The following PLXDC1 variants were observed in gnomAD, a reference collection of about 807,000 sequenced individuals.
The protein encoded by PLXDC1 is plexin domain containing 1, also known as plexin domain-containing protein 1.
A neutral mutation model predicts 61.3 loss-of-function variants in PLXDC1; 39 were observed. The observed-to-expected ratio is 0.64, with a 90% CI of 0.49 to 0.83. The LOEUF (loss-of-function observed/expected upper bound fraction) is 0.83, where lower values mean the gene tolerates loss of function less well. Among genes scored for constraint, PLXDC1 ranks in the 40% least tolerant of loss-of-function variants. The pLI, the probability that PLXDC1 is intolerant of heterozygous loss-of-function variation, is 0.00. For missense variants in PLXDC1, 596 were observed against 666.5 expected (o/e 0.89, Z 1.17); for synonymous variants, 212 against 254.5 (o/e 0.83, Z 1.59).
At chr17:39,120,623 G>A (rs916152043) in intron 2 of PLXDC1, among the ~76,000 whole-genome samples, 1 of 40,650 alleles carries the variant, frequency 2.5e-5, no homozygotes, top group Non-Finnish European at 5.2e-5. Flanking sequence ...TTTTTTTTTT[G>A]AGACAGGGTC....
At chr17:39,132,756 T>G (rs1911606586) in intron 2 of PLXDC1, among the ~76,000 whole-genome samples, 1 of 148,978 alleles carries the variant, frequency 6.7e-6, no homozygotes, top group African/African-American at 2.5e-5. Context: ...AGAGGGGAGG[T>G]CCGCAGCCAG....
At chr17:39,110,401 C>T (rs1351328511) in intron 2 of PLXDC1, among the ~76,000 whole-genome samples, 1 of 152,186 alleles carries the variant, frequency 6.6e-6, no homozygotes, top group Non-Finnish European at 1.5e-5. Flanking sequence ...ATGCTATGGG[C>T]TGGGGGTTCA....
intron 13 of PLXDC1, 53 bp downstream of exon 13, chr17:39,069,803 G>A (rs1178213984): frequency 6.8e-7 from 1 of 1,466,168 alleles, no homozygotes; most frequent in Non-Finnish European, 9.5e-7. Flanking sequence ...AATGGCCCAG[G>A]AGACGCCGAC....
intron 10 of PLXDC1, among the ~76,000 whole-genome samples, chr17:39,078,779 GCA>G (rs1427482023): frequency 6.6e-6 from 1 of 152,220 alleles, no homozygotes; most frequent in African/African-American, 2.4e-5. Flanking sequence ...GTCAGCAGGT[GCA>G]CAGTCTCCCA....
intron 2 of PLXDC1, among the ~76,000 whole-genome samples, chr17:39,132,313 G>A (rs1482772404): frequency 2.6e-5 from 4 of 151,760 alleles, no homozygotes; most frequent in African/African-American, 9.7e-5. Flanking sequence ...CACATCCCAG[G>A]ATCTCTGACT....
rs1908931277 is a variant in PLXDC1, at chr17:39,067,292, A to G, written c.*548T>C. 2 of 152,432 alleles carry G rather than the reference A, an allele frequency of 1.3e-5. No homozygotes were observed. Among genetic ancestry groups the G allele is most frequent in the African/African-American group, 4.8e-5 (2 of 41,460 alleles). The allele number at this position is 152,432 out of a possible 1,614,324, so 9.4% of individuals were successfully genotyped here. On this transcript the variant is annotated 3_prime_UTR_variant, in exon 14 of 14. Transcript: ENST00000315392. The stretch of plus-strand genomic sequence containing the variant: ...TGACAACCGCAGACATCTGGACACC[A>G]GCAAGGGTCCAGGGGAGGTTTGCAG...
At chr17:39,138,882 GCA>G (rs1279924495) in intron 2 of PLXDC1, among the ~76,000 whole-genome samples, 1 of 151,882 alleles carries the variant, frequency 6.6e-6, no homozygotes, top group Non-Finnish European at 1.5e-5. Flanking sequence ...ACAGCCACAG[GCA>G]CACTCACACT....
At position 39,151,605 on chromosome 17, in the gene PLXDC1, C is replaced by T. The variant is rs2045373334; in HGVS notation, c.-168G>A. 8.9e-7 allele frequency: 1 copy of T among 1,119,056 alleles called. No individual in the cohort carries two copies. Among genetic ancestry groups the T allele is most frequent in the East Asian group, 4.5e-5 (1 of 22,072 alleles). 69.3% of individuals were successfully genotyped at this position (1,119,056 alleles called of 1,614,324 possible). ...CGAGCCGGCAGGAGCGGCGAGAGCGCGAGCGGAGCTGGAGGCTGCGGCCTC... is the reference window on the plus strand; with the variant it reads ...CGAGCCGGCAGGAGCGGCGAGAGCGTGAGCGGAGCTGGAGGCTGCGGCCTC... On this transcript the variant is annotated 5_prime_UTR_variant, in exon 1 of 14. Coordinates refer to ENST00000315392, the MANE Select transcript of PLXDC1 (RefSeq NM_020405.5). The surrounding 1 kb of genome is among the most constrained non-coding windows in gnomAD (Gnocchi z 5.2).
At chr17:39,099,975 A>G (rs1910364106) in intron 7 of PLXDC1, among the ~76,000 whole-genome samples, 1 of 152,152 alleles carries the variant, frequency 6.6e-6, no homozygotes, top group Non-Finnish European at 1.5e-5. Context: ...AGGATGTTAC[A>G]TCTAAAATTA....
At chr17:39,149,267 G>A (rs566841486) in intron 1 of PLXDC1, among the ~76,000 whole-genome samples, 1 of 152,138 alleles carries the variant, frequency 6.6e-6, no homozygotes, top group South Asian at 2.1e-4. Context: ...CAGAGCCTTG[G>A]GGAAGGATGC....
intron 7 of PLXDC1, among the ~76,000 whole-genome samples, chr17:39,097,955 G>A (rs1000591981): frequency 3.4e-5 from 5 of 148,368 alleles, no homozygotes; most frequent in African/African-American, 9.9e-5. Context: ...CTGTAATCCC[G>A]GCACTTTGGG....
chr17:39,128,176 T>TATGTATATATGTAC (rs1911410367), intron 2 of PLXDC1, among the ~76,000 whole-genome samples: 3 of 126,388 alleles, frequency 2.4e-5, no homozygotes, highest in East Asian at 2.3e-4. Context: ...TATATATGTA[T>TATGTATATATGTAC]ATATATATGT....
At chr17:39,084,080 G>T (rs116138584) in intron 8 of PLXDC1, among the ~76,000 whole-genome samples, 2,783 of 152,210 alleles carry the variant, frequency 0.018, 83 homozygotes, top group African/African-American at 0.064. Context: ...ACTGTCACGA[G>T]GTCTATGACG....
chr17:39,093,461 A>C (rs1910027824), intron 7 of PLXDC1, among the ~76,000 whole-genome samples: 1 of 152,208 alleles, frequency 6.6e-6, no homozygotes, highest in Non-Finnish European at 1.5e-5. Flanking sequence ...TCATGCCTGT[A>C]ATCCCAGCAC....
chr17:39,092,855 G>A (rs866241225), intron 7 of PLXDC1, among the ~76,000 whole-genome samples: 5 of 152,150 alleles, frequency 3.3e-5, no homozygotes, highest in Admixed American at 6.5e-5. Context: ...CTGAATTGCC[G>A]TTGTTGCCAA....
In PLXDC1 at chr17:39,108,295, C is replaced by T. The variant is rs200249729; in HGVS notation, c.470-50G>A. On this transcript the variant is annotated intron_variant, in intron 4 of 13. Transcript: ENST00000315392. Reference sequence around the variant, plus strand: ...GTCACCAGAAATGGCCCAGAGGGGCCGCTTTGGGGGCCTTTTCCCCAAGGG... The same window carrying T: ...GTCACCAGAAATGGCCCAGAGGGGCTGCTTTGGGGGCCTTTTCCCCAAGGG... The T allele has an allele frequency of 3.8e-4, 605 of 1,604,328 alleles. 3 individuals are homozygous for T. In the African/African-American group the frequency reaches 6.1e-3, roughly 16 times the overall value.
Position 39,139,767 on chromosome 17 carries a change from C to A in PLXDC1, c.142G>T (p.Ala48Ser), listed in dbSNP as rs770384953. The change falls in exon 2 of 14, where the codon GCC (alanine) becomes TCC (serine). Residue 48 changes from alanine (A) to serine (S), a missense_variant. By Grantham distance (99) the Ala-to-Ser change is moderately conservative. Transcript: ENST00000315392. The stretch of plus-strand genomic sequence containing the variant: ...GACACATGCCCAGGGCTCTCTCGGG[C>A]TCTCCGGTTCCAGCCCCGCACGGTC... ...KGTVRGWNRR[A>S]RESPGHVSEP... 1.9e-6 allele frequency: 3 copies of A among 1,613,900 alleles called. No homozygotes were observed. The highest frequency in any genetic ancestry group is 2.5e-6 in the Non-Finnish European group (3 of 1,180,038).
At chr17:39,075,067 C>A (rs890507138) in intron 11 of PLXDC1, among the ~76,000 whole-genome samples, 1 of 152,182 alleles carries the variant, frequency 6.6e-6, no homozygotes, top group Non-Finnish European at 1.5e-5. Context: ...TTAACCAATC[C>A]TCCCACCTCA....
In PLXDC1 at chr17:39,069,924, C is replaced by T; in HGVS notation, c.1315G>A (p.Ala439Thr). Residue 439 changes from alanine (A) to threonine (T), a missense_variant, in exon 13 of 14, where the codon GCC becomes ACC. Ala to Thr is a moderately conservative substitution (Grantham distance 58, BLOSUM62 0). Transcript: ENST00000315392. ...GIVLAVLLVA[A>T]IILAGIYING... ...ATGTAAATTCCAGCCAGGATGATGG[C>T]CGCCACGAGGAGGACTGCCAGCACG... The T allele has an allele frequency of 6.2e-7, 1 of 1,613,634 alleles. No individual in the cohort carries two copies. Among genetic ancestry groups the T allele is most frequent in the Non-Finnish European group, 8.5e-7 (1 of 1,179,594 alleles).
Sources: allele counts gnomAD v4.1 joint callset (sites outside exome capture counted in the v4.1 genomes callset), GRCh38; gene constraint gnomAD v4.1.1; non-coding constraint Gnocchi (gnomAD v3.1); transcripts MANE v1.5; gene names NCBI Gene and HGNC (gene_info 2026-07-23, HGNC 2026-07-21).